The following STAU1 variants were observed in gnomAD, a reference collection of about 807,000 sequenced individuals.
STAU1 encodes double-stranded RNA-binding protein Staufen homolog 1.
A neutral mutation model predicts 62.9 loss-of-function variants in STAU1; 13 were observed. That is an observed-to-expected ratio of 0.21 (90% CI 0.13 to 0.33). The LOEUF (loss-of-function observed/expected upper bound fraction) is 0.33. Ranked by LOEUF, STAU1 falls within the 10% of genes least tolerant of loss-of-function variation. The probability of loss-of-function intolerance (pLI) is 1.00; values close to 1 mark genes in which losing one functional copy is unlikely to be tolerated. For synonymous variants in STAU1, 269 were observed against 265.1 expected (o/e 1.01, Z -0.14); for missense variants, 571 against 712.1 (o/e 0.80, Z 2.25).
chr20:49,159,655 G>A (rs1452202158), intron 3 of STAU1, among the ~76,000 whole-genome samples: 1 of 152,158 alleles, frequency 6.6e-6, no homozygotes, highest in Non-Finnish European at 1.5e-5. Context: ...CCACCTCCCA[G>A]GTTCAGGTGA....
At chr20:49,211,024 A>G in the STAU1 span, among the ~76,000 whole-genome samples, 2 of 152,106 alleles carry the variant, frequency 1.3e-5, no homozygotes, top group African/African-American at 4.8e-5. Context: ...GTTTACCTAA[A>G]TAGGATTTAC....
At chr20:49,174,477 T>C (rs2093634325) in intron 1 of STAU1, among the ~76,000 whole-genome samples, 1 of 152,046 alleles carries the variant, frequency 6.6e-6, no homozygotes. Flanking sequence ...CCCAACACTT[T>C]GGGAGGCCGA....
the STAU1 span, among the ~76,000 whole-genome samples, chr20:49,204,622 A>ATATATATATG: frequency 9.8e-5 from 4 of 40,612 alleles, no homozygotes; most frequent in Non-Finnish European, 9.4e-5. Flanking sequence ...ATATATATAT[A>ATATATATATG]TGTGTATATA....
chr20:49,186,129 C>T (rs2093783965), intron 1 of STAU1, among the ~76,000 whole-genome samples: 2 of 151,980 alleles, frequency 1.3e-5, no homozygotes, highest in Admixed American at 6.5e-5. Context: ...GGGTGGATCA[C>T]GAGGTTAGGA....
At chr20:49,203,795 C>A in the STAU1 span, among the ~76,000 whole-genome samples, 1 of 152,160 alleles carries the variant, frequency 6.6e-6, no homozygotes, top group Non-Finnish European at 1.5e-5. Context: ...CAAGCAAATC[C>A]CCTGCTTCAG....
At chr20:49,194,867 C>A in the STAU1 span, among the ~76,000 whole-genome samples, 1 of 152,080 alleles carries the variant, frequency 6.6e-6, no homozygotes, top group East Asian at 1.9e-4. Context: ...GCATGAGCCA[C>A]CCTGTCAGCT....
intron 6 of STAU1, among the ~76,000 whole-genome samples, chr20:49,130,332 C>G (rs1183301865): frequency 6.6e-6 from 1 of 152,160 alleles, no homozygotes; most frequent in African/African-American, 2.4e-5. Context: ...TGCAAAGGGA[C>G]ACAGGGAACT....
intron 12 of STAU1, 78 bp from the exon 13 acceptor site, chr20:49,115,945 G>A: frequency 2.4e-6 from 3 of 1,240,372 alleles, no homozygotes; most frequent in Admixed American, 1.8e-5. Flanking sequence ...AGGCAGGCAA[G>A]AGAGTTCCTG....
At chr20:49,154,503 G>A (rs796283335) in intron 3 of STAU1, among the ~76,000 whole-genome samples, 6 of 152,170 alleles carry the variant, frequency 3.9e-5, no homozygotes, top group African/African-American at 9.7e-5. Context: ...AAGTATGTCC[G>A]TACACAGTAT....
chr20:49,162,090 C>A (rs1380366017), intron 3 of STAU1, among the ~76,000 whole-genome samples: 1 of 152,244 alleles, frequency 6.6e-6, no homozygotes, highest in Non-Finnish European at 1.5e-5. Flanking sequence ...CCACTACCAT[C>A]TCTCAAACAA....
At chr20:49,141,955 T>C (rs994845148) in intron 5 of STAU1, among the ~76,000 whole-genome samples, 4 of 151,962 alleles carry the variant, frequency 2.6e-5, no homozygotes, top group Admixed American at 6.6e-5. Context: ...TATAAGTTTA[T>C]ACTAATAACT....
rs539094832 is a variant in STAU1 at position 49,159,138 on chromosome 20, G to A, written c.206-5067C>T. 4 of 1,078,478 alleles carry A rather than the reference G, an allele frequency of 3.7e-6. No homozygotes were observed. In the African/African-American group the frequency reaches 5.3e-5, roughly 14 times the overall value. 66.8% of individuals were successfully genotyped at this position (1,078,478 alleles called of 1,614,324 possible). A position where few individuals can be genotyped will look rare whatever the true frequency, so the allele number is the denominator to read the frequency against. ...ATTGTCTCATGGATAAATGCTGAAG[G>A]GGAAAAAGCTAAAAAAAAAAAAACA... is the stretch of plus-strand genomic sequence containing the variant. On this transcript the variant is annotated intron_variant, in intron 3 of 13. Transcript: ENST00000371856.
chr20:49,150,629 G>A (rs1273328781), intron 5 of STAU1, among the ~76,000 whole-genome samples: 2 of 152,094 alleles, frequency 1.3e-5, no homozygotes, highest in African/African-American at 2.4e-5. Context: ...CCAAAGTGCT[G>A]GGATTACAGG....
chr20:49,180,759 CAAAT>C (rs535298531), intron 1 of STAU1, among the ~76,000 whole-genome samples: 16 of 152,272 alleles, frequency 1.1e-4, no homozygotes, highest in Admixed American at 5.2e-4. Flanking sequence ...TTTGACATAA[CAAAT>C]AAAAGTAAAC....
At chr20:49,168,432 T>C (rs1323076792) in intron 2 of STAU1, among the ~76,000 whole-genome samples, 1 of 152,138 alleles carries the variant, frequency 6.6e-6, no homozygotes, top group Non-Finnish European at 1.5e-5. Context: ...AGGAATAGGC[T>C]TTTTAAATTA....
the STAU1 span, chr20:49,219,228 T>C: frequency 1.1e-6 from 1 of 905,310 alleles, no homozygotes; most frequent in African/African-American, 1.7e-5. Context: ...ACAATGGAAT[T>C]TGCTTACCTA....
At chr20:49,201,318 G>A in the STAU1 span, among the ~76,000 whole-genome samples, 40,437 of 151,946 alleles carry the variant, frequency 0.27, 6,240 homozygotes, top group East Asian at 0.53. Context: ...TGTCATTGAT[G>A]AGGAAGGGAG....
Position 49,114,111 on chromosome 20 carries a change from G to A in STAU1, c.*767C>T, listed in dbSNP as rs1165492530. ...ATTTGCATCACTGAAACTGTCCTGG[G>A]TTAGTCAATGAAATAAAAATGTCTA... On this transcript the variant is annotated 3_prime_UTR_variant, in exon 14 of 14. Coordinates refer to ENST00000371856, the MANE Select transcript of STAU1 (RefSeq NM_017453.4). The A allele has an allele frequency of 6.6e-6, 1 of 152,588 alleles. No homozygotes were observed. Among genetic ancestry groups the A allele is most frequent in the Non-Finnish European group, 1.5e-5 (1 of 68,050 alleles). 9.5% of individuals were successfully genotyped at this position (152,588 alleles called of 1,614,324 possible).
intron 3 of STAU1, 27 bp from the exon 4 acceptor site, chr20:49,154,098 GTTT>G (rs762066858): frequency 6.3e-7 from 1 of 1,581,372 alleles, no homozygotes; most frequent in South Asian, 1.2e-5. Context: ...ACAAAGAACT[GTTT>G]TTTTCTGGTA....
Sources: allele counts gnomAD v4.1 joint callset (sites outside exome capture counted in the v4.1 genomes callset), GRCh38; gene constraint gnomAD v4.1.1; transcripts MANE v1.5; gene names NCBI Gene and HGNC (gene_info 2026-07-23, HGNC 2026-07-21).